The following TFRC variants were observed in gnomAD, a reference collection of about 807,000 sequenced individuals.
The protein encoded by TFRC is transferrin receptor.
A neutral mutation model predicts 85.8 loss-of-function variants in TFRC; 35 were observed. The observed-to-expected ratio is 0.41, with a 90% CI of 0.31 to 0.54. The LOEUF (loss-of-function observed/expected upper bound fraction) is 0.54, where lower values mean the gene tolerates loss of function less well. TFRC is among the 20% of genes least tolerant of loss of function. TFRC has a pLI of 0.31. For missense variants in TFRC, 828 were observed against 921.5 expected, an observed-to-expected ratio of 0.90 and a Z score of 1.31; for synonymous variants, 362 against 328.6, an observed-to-expected ratio of 1.10 and a Z score of -1.10.
At chr3:196,053,385 C>T (rs1163018341) in intron 18 of TFRC, 33 bp downstream of exon 18, 3 of 1,613,156 alleles carry the variant, frequency 1.9e-6, no homozygotes, top group Non-Finnish European at 2.5e-6. Context: ...TTTACACATA[C>T]TTTAGTTCCT....
At chr3:196,065,890 T>C (rs1383631627) in intron 9 of TFRC, among the ~76,000 whole-genome samples, 1 of 150,992 alleles carries the variant, frequency 6.6e-6, no homozygotes, top group African/African-American at 2.4e-5. Context: ...CTAAGGAGGA[T>C]GAGGAGGAGA....
rs1329779286 is a variant in TFRC at position 196,073,043 on chromosome 3, A to AAAAAACAAAC, written c.434+886_434+887insGTTTGTTTTT. On this transcript the variant is annotated intron_variant, in intron 4 of 18. Transcript: ENST00000360110. ...GGTGAAATCCCGTTTCTGCAAAAAA[A>AAAAAACAAAC]AAAAAAAAAAAAAAAAACCCACAAA... Among the ~76,000 whole-genome samples the AAAAAACAAAC allele has an allele frequency of 1.5e-3, 109 of 71,844 alleles. 1 individual carries two copies. Among genetic ancestry groups the AAAAAACAAAC allele is most frequent in the South Asian group, 3.7e-3 (8 of 2,160 alleles). 47.1% of individuals were successfully genotyped at this position (71,844 alleles called of 152,430 possible).
At chr3:196,075,477 T>C in intron 2 of TFRC, 117 bp from the exon 3 acceptor site, 1 of 977,224 alleles carries the variant, frequency 1.0e-6, no homozygotes, top group Admixed American at 2.1e-5. Flanking sequence ...TTCCTTAGGG[T>C]GTTCTCCTTT....
At chr3:196,072,687 T>C (rs147572315) in intron 4 of TFRC, 4 of 148,984 alleles carry the variant, frequency 2.7e-5, no homozygotes, top group Non-Finnish European at 4.4e-5. Flanking sequence ...CTAGATGAAG[T>C]AGAAAATGCC....
Position 196,071,499 on chromosome 3 carries a change from C to T in TFRC, c.585-1G>A. On this transcript the variant is annotated splice_acceptor_variant, in intron 5 of 18. Transcript: ENST00000360110. LOFTEE classifies it high-confidence loss of function. ...AACTATGATCACCGAGTTTTGAGCG[C>T]TGTTAAAAAGATTAAGTTAAAATAA... is the stretch of plus-strand genomic sequence containing the variant. 6.2e-7 allele frequency: 1 copy of T among 1,613,822 alleles called. No individual in the cohort carries two copies. The highest frequency in any genetic ancestry group is 8.5e-7 in the Non-Finnish European group (1 of 1,179,802).
At chr3:196,068,312 T>A (rs1391806039) in intron 7 of TFRC, among the ~76,000 whole-genome samples, 182 bp from the exon 8 acceptor site, 1 of 152,142 alleles carries the variant, frequency 6.6e-6, no homozygotes, top group African/African-American at 2.4e-5. Flanking sequence ...ACTCACTTGT[T>A]TGCAAAATAA....
chr3:196,074,431 T>C (rs996360921), intron 3 of TFRC: 2 of 224,994 alleles, frequency 8.9e-6, no homozygotes, highest in African/African-American at 4.5e-5. Flanking sequence ...TAGCATTTGC[T>C]TCCTGGTGGA....
chr3:196,067,970 T>C (rs538104120), intron 8 of TFRC, 62 bp downstream of exon 8: 4 of 1,368,272 alleles, frequency 2.9e-6, no homozygotes, highest in South Asian at 1.2e-5. Flanking sequence ...TTTCTGCTAA[T>C]ACAGGAATCC....
chr3:196,061,847 C>T (rs1354593203), intron 13 of TFRC, among the ~76,000 whole-genome samples: 3 of 152,194 alleles, frequency 2.0e-5, no homozygotes, highest in African/African-American at 7.2e-5. Context: ...CTGGGGTAGA[C>T]ATGACAGTTT....
chr3:196,052,683 C>T (rs989788256), intron 18 of TFRC, among the ~76,000 whole-genome samples: 12 of 152,018 alleles, frequency 7.9e-5, no homozygotes, highest in Non-Finnish European at 1.3e-4. Context: ...TCAGGTGATC[C>T]GCTTGCCTCG....
At chr3:196,069,616 C>T (rs769325250) in intron 6 of TFRC, 48 bp from the exon 7 acceptor site, 9 of 1,201,040 alleles carry the variant, frequency 7.5e-6, no homozygotes, top group Non-Finnish European at 1.1e-5. Context: ...ATCGGAACAG[C>T]TCTAAAATCT....
intron 16 of TFRC, 52 bp from the exon 17 acceptor site, chr3:196,055,353 C>A (rs768929813): frequency 6.0e-6 from 9 of 1,495,990 alleles, no homozygotes; most frequent in Non-Finnish European, 8.4e-6. Context: ...AGAGCAAGAG[C>A]CTCACATTCT....
chr3:196,073,290 TAA>T (rs35883754), intron 4 of TFRC, among the ~76,000 whole-genome samples: 120 of 135,366 alleles, frequency 8.9e-4, no homozygotes, highest in Middle Eastern at 3.7e-3. Flanking sequence ...CTCCATCTCT[TAA>T]AAAAAAAAAA....
Position 196,072,090 on chromosome 3 carries a change from G to C in TFRC, c.497C>G (p.Ala166Gly). Reference protein sequence around the residue: ...EAGSQKDENLALYVENQFREF... With the variant: ...EAGSQKDENLGLYVENQFREF... ...ACGAAATTGATTTTCAACATACAAC[G>C]CAAGATTTTCATCTTTTTGAGATCC... Residue 166 changes from alanine (A) to glycine (G), a missense_variant, in exon 5 of 19, where the codon GCG (alanine) becomes GGG (glycine). Ala to Gly is a moderately conservative substitution (Grantham distance 60, BLOSUM62 0). Coordinates refer to ENST00000360110, the MANE Select transcript of TFRC (RefSeq NM_001128148.3). The C allele has an allele frequency of 1.9e-6, 3 of 1,614,046 alleles. No individual in the cohort carries two copies. Among genetic ancestry groups the C allele is most frequent in the Non-Finnish European group, 2.5e-6 (3 of 1,179,992 alleles).
chr3:196,070,207 C>T (rs1250167673), intron 6 of TFRC, among the ~76,000 whole-genome samples: 1 of 151,920 alleles, frequency 6.6e-6, no homozygotes, highest in Non-Finnish European at 1.5e-5. Context: ...GGAATCAACA[C>T]AGAACTGCAC....
Position 196,069,906 on chromosome 3 carries a change from AG to A in TFRC, c.688-339del, listed in dbSNP as rs759349432. Among the ~76,000 whole-genome samples, 4 of 152,220 alleles carry A rather than the reference AG, an allele frequency of 2.6e-5. 1 individual carries two copies. Among genetic ancestry groups the A allele is most frequent in the South Asian group, 4.1e-4 (2 of 4,836 alleles). On this transcript the variant is annotated intron_variant, in intron 6 of 18. Transcript: ENST00000360110. ...TTAGCCTTGAGGACATCATAGAAAT[AG>A]GTTTTAACTGAAAGGTCTGATAATA... is the stretch of plus-strand genomic sequence containing the variant.
chr3:196,066,190 T>C (rs973744013), intron 9 of TFRC, among the ~76,000 whole-genome samples: 2 of 152,232 alleles, frequency 1.3e-5, no homozygotes, highest in Non-Finnish European at 2.9e-5. Context: ...CATACCAAGA[T>C]GGACTCAAAA....
chr3:196,080,714 T>C (rs1296513530), intron 1 of TFRC, among the ~76,000 whole-genome samples: 1 of 152,144 alleles, frequency 6.6e-6, no homozygotes, highest in Non-Finnish European at 1.5e-5. Flanking sequence ...CACCATTACT[T>C]GATAAGAACA....
chr3:196,065,424 G>GGA lies in TFRC; in HGVS notation c.1198+18_1198+19insTC. 4 of 710,656 alleles carry GGA rather than the reference G, an allele frequency of 5.6e-6. No homozygotes were observed. The South Asian group carries it at 8.9e-5, about 16-fold the overall frequency. The allele number at this position is 710,656 out of a possible 1,614,324, so 44.0% of individuals were successfully genotyped here. A position where few individuals can be genotyped will look rare whatever the true frequency, so the allele number is the denominator to read the frequency against. On this transcript the variant is annotated intron_variant, in intron 10 of 18. Transcript: ENST00000360110. ...AACAAAAAAAAAGCGGGGCGGGGGG[G>GGA]GGGGGGGGCGGTCTTTACCTGGTTC...
Sources: allele counts gnomAD v4.1 joint callset (sites outside exome capture counted in the v4.1 genomes callset), GRCh38; gene constraint gnomAD v4.1.1; transcripts MANE v1.5; gene names NCBI Gene and HGNC (gene_info 2026-07-23, HGNC 2026-07-21).